DOCK1: variants seen among roughly 807,000 people sequenced by gnomAD.
DOCK1 encodes the protein dedicator of cytokinesis protein 1.
A neutral mutation model predicts 262.7 loss-of-function variants in DOCK1; 138 were observed. The ratio of observed to expected loss-of-function variants is 0.53; its 90% CI spans 0.46 to 0.61. The LOEUF is 0.61. Ranked by LOEUF, DOCK1 falls within the 20% of genes least tolerant of loss-of-function variation. The pLI is 0.00. For missense variants in DOCK1, 1,908 were observed against 2,370.7 expected, an observed-to-expected ratio of 0.80 and a Z score of 4.05; for synonymous variants, 866 against 867.4, an observed-to-expected ratio of 1.00 and a Z score of 0.03.
chr10:127,081,915 C>G (rs1478905325), intron 23 of DOCK1, among the ~76,000 whole-genome samples: 1 of 152,166 alleles, frequency 6.6e-6, no homozygotes, highest in Non-Finnish European at 1.5e-5. Context: ...ATTTCGCCAC[C>G]CCAGTGATCT....
chr10:127,382,320 G>C (rs978998879), intron 37 of DOCK1, among the ~76,000 whole-genome samples: 2 of 152,162 alleles, frequency 1.3e-5, no homozygotes, highest in African/African-American at 4.8e-5. Context: ...TAAAACTCTG[G>C]TAAGACTCTT....
In DOCK1 at chr10:127,451,495, CCT is replaced by C; in HGVS notation, c.*69_*70del. ...CTCCATGCCCTCTCCTTCTGTGTCC[CCT>C]GAGTCTGCTGTTTACCTCATTGGGC... On this transcript the variant is annotated 3_prime_UTR_variant, in exon 52 of 52. Coordinates refer to ENST00000623213, the MANE Select transcript of DOCK1 (RefSeq NM_001290223.2). 1 of 1,545,900 alleles carries C rather than the reference CCT, an allele frequency of 6.5e-7. No homozygotes were observed. Among genetic ancestry groups the C allele is most frequent in the Non-Finnish European group, 8.7e-7 (1 of 1,145,840 alleles).
intron 23 of DOCK1, among the ~76,000 whole-genome samples, chr10:127,073,384 C>T (rs1405894978): frequency 6.6e-6 from 1 of 152,212 alleles, no homozygotes; most frequent in Non-Finnish European, 1.5e-5. Flanking sequence ...AGGACTGGCA[C>T]TACTCGACTT....
chr10:127,077,374 G>A lies in DOCK1; in HGVS notation c.2445+15598G>A, dbSNP rs535794248. On this transcript the variant is annotated intron_variant, in intron 23 of 51. Transcript: ENST00000623213. The stretch of plus-strand genomic sequence containing the variant: ...TGCACCACTGCACTCCAGCCTAGGT[G>A]ACAGAGCGAGACTGTGTCTCAAAAT... 6.6e-4 allele frequency among the ~76,000 whole-genome samples: 101 copies of A among 152,242 alleles called. 1 individual carries two copies. The highest frequency in any genetic ancestry group is 2.3e-3 in the African/African-American group (96 of 41,554).
In DOCK1 at chr10:127,046,357, G is replaced by A. The variant is rs967241782; in HGVS notation, c.2201+3193G>A. Reference sequence around the variant, plus strand: ...AGGATCTGCAGACTTCGCCTCTTCAGAACAGCGAGCAGGAGTGTGACTCTG... The same window carrying A: ...AGGATCTGCAGACTTCGCCTCTTCAAAACAGCGAGCAGGAGTGTGACTCTG... On this transcript the variant is annotated intron_variant, in intron 21 of 51. Transcript: ENST00000623213. 1.4e-4 allele frequency among the ~76,000 whole-genome samples: 22 copies of A among 152,152 alleles called. No homozygotes were observed. The East Asian group carries it at 4.2e-3, about 29-fold the overall frequency.
chr10:127,022,280 G>C (rs9418790), intron 13 of DOCK1, among the ~76,000 whole-genome samples: 1 of 151,372 alleles, frequency 6.6e-6, no homozygotes, highest in Non-Finnish European at 1.5e-5. Context: ...CCCTAGACCC[G>C]TTTTTCCTCC....
At chr10:127,186,503 AACCG>A (rs1564883536) in intron 27 of DOCK1, among the ~76,000 whole-genome samples, 16 of 18,762 alleles carry the variant, frequency 8.5e-4, no homozygotes, top group Non-Finnish European at 1.4e-3. Context: ...GCATGGGAGA[AACCG>A]CCCCCCCGCC....
At chr10:127,075,974 T>C (rs2046509152) in intron 23 of DOCK1, among the ~76,000 whole-genome samples, 1 of 152,198 alleles carries the variant, frequency 6.6e-6, no homozygotes, top group African/African-American at 2.4e-5. Flanking sequence ...TACGTGGGTC[T>C]TATGTGTGTT....
intron 13 of DOCK1, among the ~76,000 whole-genome samples, chr10:127,020,461 G>A (rs1277380282): frequency 1.3e-5 from 2 of 152,000 alleles, no homozygotes; most frequent in Admixed American, 1.3e-4. Context: ...CAGGTACTAG[G>A]GAGGCTGAGG....
At chr10:127,246,656 A>G (rs1321941437) in intron 27 of DOCK1, among the ~76,000 whole-genome samples, 2 of 152,198 alleles carry the variant, frequency 1.3e-5, no homozygotes, top group African/African-American at 4.8e-5. Context: ...TATCATCATT[A>G]TTGTGTTTGT....
At chr10:127,336,664 C>G (rs1269650928) in intron 29 of DOCK1, among the ~76,000 whole-genome samples, 1 of 151,990 alleles carries the variant, frequency 6.6e-6, no homozygotes, top group Non-Finnish European at 1.5e-5. Flanking sequence ...CTCAGCCTCC[C>G]AAGTAGCTGG....
intron 29 of DOCK1, among the ~76,000 whole-genome samples, chr10:127,268,477 C>T (rs1430977499): frequency 1.8e-5 from 2 of 114,000 alleles, no homozygotes; most frequent in Non-Finnish European, 3.3e-5. Flanking sequence ...TCCATCCAGC[C>T]TGGGTGACAG....
At chr10:127,276,655 G>C (rs779704692) in intron 29 of DOCK1, among the ~76,000 whole-genome samples, 1 of 152,126 alleles carries the variant, frequency 6.6e-6, no homozygotes, top group Non-Finnish European at 1.5e-5. Context: ...ATTTTGTTTA[G>C]AGGTATAGAT....
chr10:127,173,650 A>G (rs926403440), intron 27 of DOCK1, among the ~76,000 whole-genome samples: 1 of 152,126 alleles, frequency 6.6e-6, no homozygotes, highest in African/African-American at 2.4e-5. Context: ...TTCACTACCA[A>G]CTATATCAAC....
At chr10:127,263,880 G>A (rs1273017224) in intron 29 of DOCK1, among the ~76,000 whole-genome samples, 1 of 152,120 alleles carries the variant, frequency 6.6e-6, no homozygotes, top group Non-Finnish European at 1.5e-5. Context: ...GCTCCAGTAG[G>A]GTGCTTGAGT....
intron 23 of DOCK1, among the ~76,000 whole-genome samples, chr10:127,093,345 A>G (rs1266828844): frequency 7.0e-6 from 1 of 143,348 alleles, no homozygotes; most frequent in African/African-American, 2.6e-5. Context: ...TTCCAGGCTC[A>G]AGTAATCCTC....
rs192592295 is a variant in DOCK1 at position 127,161,710 on chromosome 10, C to G, written c.2847+33946C>G. 5.5e-3 allele frequency among the ~76,000 whole-genome samples: 830 copies of G among 152,266 alleles called. 4 individuals carry two copies. The highest frequency in any genetic ancestry group is 0.01 in the Middle Eastern group (3 of 294). Reference sequence around the variant, plus strand: ...ACGGATCCTTTGGCTGGCTCTCCCCCACTCTCCTCGCCTCTGCTCCATTTC... The same window carrying G: ...ACGGATCCTTTGGCTGGCTCTCCCCGACTCTCCTCGCCTCTGCTCCATTTC... On this transcript the variant is annotated intron_variant, in intron 27 of 51. Coordinates refer to ENST00000623213, the MANE Select transcript of DOCK1 (RefSeq NM_001290223.2).
chr10:127,379,081 T>C (rs958889458), intron 35 of DOCK1, among the ~76,000 whole-genome samples: 2 of 152,240 alleles, frequency 1.3e-5, no homozygotes, highest in African/African-American at 4.8e-5. Flanking sequence ...GCTCCGATTC[T>C]AGAGGGCTAA....
chr10:127,353,687 A>G (rs529847269), intron 31 of DOCK1, among the ~76,000 whole-genome samples: 39 of 152,334 alleles, frequency 2.6e-4, no homozygotes, highest in African/African-American at 8.9e-4. Context: ...ATGGCCTCCC[A>G]CGCACCACAG....
Sources: gnomAD v4.1 joint callset for allele counts (sites outside exome capture counted in the v4.1 genomes callset) on GRCh38, gnomAD v4.1.1 for gene constraint, MANE v1.5 for transcripts, NCBI Gene and HGNC (gene_info 2026-07-23, HGNC 2026-07-21) for gene names.